SBF2: variants seen among roughly 807,000 people sequenced by gnomAD.
SBF2 encodes SET binding factor 2, also known as myotubularin-related protein 13.
Under a neutral mutation model 225.2 loss-of-function variants are expected in SBF2, and 112 were observed. That is an observed-to-expected ratio of 0.50 (90% CI 0.43 to 0.58). The LOEUF (loss-of-function observed/expected upper bound fraction) is 0.58. SBF2 is among the 20% of genes least tolerant of loss of function. SBF2 has a pLI of 0.00. For synonymous variants in SBF2, 763 were observed against 773.3 expected, an observed-to-expected ratio of 0.99 and a Z score of 0.22; for missense variants, 1,996 against 2,206.2, an observed-to-expected ratio of 0.90 and a Z score of 1.91.
At chr11:10,166,990 A>ACACACAC (rs1282714502) in intron 2 of SBF2, among the ~76,000 whole-genome samples, 108 of 146,076 alleles carry the variant, frequency 7.4e-4, no homozygotes, top group African/African-American at 2.5e-3. Context: ...CACACACACA[A>ACACACAC]AAAGGCTACT....
At chr11:10,052,014 G>T (rs904826324) in intron 2 of SBF2, among the ~76,000 whole-genome samples, 12 of 152,138 alleles carry the variant, frequency 7.9e-5, no homozygotes, top group African/African-American at 2.9e-4. Flanking sequence ...CTGGGTTTAA[G>T]TCACACTTCT....
chr11:10,145,859 A>C (rs1233708281), intron 2 of SBF2, among the ~76,000 whole-genome samples: 1 of 152,228 alleles, frequency 6.6e-6, no homozygotes, highest in Non-Finnish European at 1.5e-5. Flanking sequence ...TTCAGCTGAT[A>C]AACAACTTCA....
intron 1 of SBF2, among the ~76,000 whole-genome samples, chr11:10,209,155 G>T (rs578155171): frequency 3.9e-5 from 6 of 152,046 alleles, no homozygotes; most frequent in Admixed American, 3.9e-4. Context: ...AGTCAATAAA[G>T]GAGAAGTTAC....
chr11:10,291,143 C>T (rs1476251491), intron 1 of SBF2, among the ~76,000 whole-genome samples: 1 of 152,158 alleles, frequency 6.6e-6, no homozygotes, highest in African/African-American at 2.4e-5. Context: ...ATGCTATAGT[C>T]TGAATGTGTA....
At chr11:9,820,362 G>T (rs1168025385) in intron 28 of SBF2, among the ~76,000 whole-genome samples, 1 of 152,206 alleles carries the variant, frequency 6.6e-6, no homozygotes, top group African/African-American at 2.4e-5. Flanking sequence ...CAGAGGTGCT[G>T]GCTGATGACA....
At chr11:10,136,840 A>T in intron 2 of SBF2, among the ~76,000 whole-genome samples, 1 of 152,254 alleles carries the variant, frequency 6.6e-6, no homozygotes, top group South Asian at 2.1e-4. Context: ...TCTTTCTGCC[A>T]ATACAATAGG....
At chr11:10,285,877 A>C (rs1423991146) in intron 1 of SBF2, among the ~76,000 whole-genome samples, 2 of 152,256 alleles carry the variant, frequency 1.3e-5, no homozygotes, top group African/African-American at 4.8e-5. Context: ...AAAAAAGAGC[A>C]CAAATTTGAT....
At chr11:9,844,409 A>G (rs1856394619) in intron 24 of SBF2, among the ~76,000 whole-genome samples, 1 of 152,218 alleles carries the variant, frequency 6.6e-6, no homozygotes, top group African/African-American at 2.4e-5. Flanking sequence ...CAGATGCCCG[A>G]ATTCTACATG....
chr11:10,132,226 T>C (rs1565266231), intron 2 of SBF2, among the ~76,000 whole-genome samples: 1 of 152,300 alleles, frequency 6.6e-6, no homozygotes, highest in Non-Finnish European at 1.5e-5. Flanking sequence ...TAGTGGTCAA[T>C]GGAACAAACC....
chr11:10,106,889 T>C (rs188164961), intron 2 of SBF2, among the ~76,000 whole-genome samples: 46 of 152,154 alleles, frequency 3.0e-4, no homozygotes, highest in Non-Finnish European at 6.2e-4. Flanking sequence ...AAATGAGATA[T>C]ACAGATGGAA....
intron 35 of SBF2, among the ~76,000 whole-genome samples, chr11:9,788,527 G>C (rs992486906): frequency 2.0e-5 from 3 of 151,966 alleles, no homozygotes; most frequent in African/African-American, 7.3e-5. Context: ...CAGCTGGGAA[G>C]CTGCTGGAAG....
intron 1 of SBF2, among the ~76,000 whole-genome samples, chr11:10,213,334 C>A (rs1958010361): frequency 6.6e-6 from 1 of 152,168 alleles, no homozygotes; most frequent in Non-Finnish European, 1.5e-5. Context: ...CAACTTTACT[C>A]AATGGAGGTC....
At chr11:10,161,648 T>A (rs552500833) in intron 2 of SBF2, among the ~76,000 whole-genome samples, 1 of 152,268 alleles carries the variant, frequency 6.6e-6, no homozygotes, top group East Asian at 1.9e-4. Context: ...GCCAAAGAGA[T>A]ACCAGTAGGA....
At chr11:10,221,410 G>A (rs1203025003) in intron 1 of SBF2, among the ~76,000 whole-genome samples, 1 of 152,182 alleles carries the variant, frequency 6.6e-6, no homozygotes, top group East Asian at 1.9e-4. Context: ...GAGCCACTGT[G>A]CCCAGCCAAG....
chr11:10,225,199 A>G (rs1958492650), intron 1 of SBF2, among the ~76,000 whole-genome samples: 1 of 152,096 alleles, frequency 6.6e-6, no homozygotes. Context: ...AAATTAAGAA[A>G]CTCAACAAAT....
chr11:9,823,643 T>C (rs927078206), intron 28 of SBF2, among the ~76,000 whole-genome samples: 7 of 152,220 alleles, frequency 4.6e-5, no homozygotes. Flanking sequence ...TGGGCATGTT[T>C]ATACCTAGTC....
chr11:10,270,994 C>CAAAA (rs1180184303), intron 1 of SBF2, among the ~76,000 whole-genome samples: 4 of 27,678 alleles, frequency 1.4e-4, no homozygotes, highest in East Asian at 9.0e-4. Flanking sequence ...GACTCTGTCT[C>CAAAA]AAAAAAAAAA....
At chr11:9,805,832 C>T (rs184330627) in intron 32 of SBF2, among the ~76,000 whole-genome samples, 5 of 152,196 alleles carry the variant, frequency 3.3e-5, no homozygotes, top group Non-Finnish European at 7.4e-5. Flanking sequence ...CCATGTTGGC[C>T]AGGATGGTTT....
chr11:9,940,510 A>G (rs1166149220), intron 16 of SBF2, among the ~76,000 whole-genome samples: 1 of 152,200 alleles, frequency 6.6e-6, no homozygotes, highest in Non-Finnish European at 1.5e-5. Context: ...ACCCAACAGG[A>G]GCACGTATAC....
Sources: gnomAD v4.1 joint callset for allele counts (sites outside exome capture counted in the v4.1 genomes callset) on GRCh38, gnomAD v4.1.1 for gene constraint, MANE v1.5 for transcripts, NCBI Gene and HGNC (gene_info 2026-07-23, HGNC 2026-07-21) for gene names.